The following WWP1 variants were observed in gnomAD, a reference collection of about 807,000 sequenced individuals.
The protein encoded by WWP1 is WW domain containing E3 ubiquitin protein ligase 1.
WWP1 carries 49 observed loss-of-function variants against 130.6 expected under a neutral mutation model. The ratio of observed to expected loss-of-function variants is 0.38; its 90% confidence interval spans 0.30 to 0.48. WWP1 has a LOEUF of 0.48. WWP1 is among the 20% of genes least tolerant of loss of function. WWP1 has a pLI of 0.99. For synonymous variants in WWP1, 332 were observed against 367.8 expected, an observed-to-expected ratio of 0.90 and a Z score of 1.11; for missense variants, 809 against 1,100.6, an observed-to-expected ratio of 0.74 and a Z score of 3.75.
At chr8:86,369,614 T>A (rs1824170103) in intron 2 of WWP1, among the ~76,000 whole-genome samples, 1 of 152,204 alleles carries the variant, frequency 6.6e-6, no homozygotes, top group Non-Finnish European at 1.5e-5. Context: ...CTCAAATAAG[T>A]AATCTATGCC....
intron 5 of WWP1, among the ~76,000 whole-genome samples, chr8:86,382,109 T>C (rs1825017510): frequency 6.6e-6 from 1 of 152,134 alleles, no homozygotes; most frequent in Admixed American, 6.5e-5. Flanking sequence ...GGATAACCAA[T>C]CTTAATAATT....
chr8:86,401,550 A>T (rs1382409204), intron 7 of WWP1, among the ~76,000 whole-genome samples: 6 of 11,714 alleles, frequency 5.1e-4, no homozygotes, highest in Non-Finnish European at 1.2e-3. Flanking sequence ...TCCTGTCTCT[A>T]AAAAAAAAAA....
intron 5 of WWP1, among the ~76,000 whole-genome samples, chr8:86,392,277 C>A (rs553777479): frequency 1.1e-3 from 166 of 152,278 alleles, no homozygotes; most frequent in Non-Finnish European, 2.1e-3. Flanking sequence ...GAATCTTTGT[C>A]ACTATACCCA....
At chr8:86,438,558 A>G (rs1490247430) in intron 16 of WWP1, 27 bp from the exon 17 acceptor site, 1 of 1,535,224 alleles carries the variant, frequency 6.5e-7, no homozygotes, top group African/African-American at 1.4e-5. Context: ...GTGAGTATTT[A>G]ATATTCATGT....
rs567061993 is a variant in WWP1 at position 86,427,526 on chromosome 8, T to C, written c.1158-117T>C. The stretch of plus-strand genomic sequence containing the variant: ...GTAAAATAAATAGTTCATAGTTTTA[T>C]ATGTTTTAGTTATTTTAACATGTCT... On this transcript the variant is annotated intron_variant, in intron 10 of 24. Transcript: ENST00000517970. 1.0e-5 allele frequency: 11 copies of C among 1,053,156 alleles called. 1 individual carries two copies. The South Asian group carries it at 2.2e-4, about 21-fold the overall frequency. The allele number at this position is 1,053,156 out of a possible 1,614,324, so 65.2% of individuals were successfully genotyped here.
At chr8:86,434,912 CTG>C (rs1810205676) in intron 14 of WWP1, among the ~76,000 whole-genome samples, 1 of 152,208 alleles carries the variant, frequency 6.6e-6, no homozygotes, top group African/African-American at 2.4e-5. Context: ...GGCTCTGTCA[CTG>C]TGAGTCAAAC....
chr8:86,349,540 C>A (rs1822795551), intron 1 of WWP1, among the ~76,000 whole-genome samples: 1 of 152,182 alleles, frequency 6.6e-6, no homozygotes, highest in African/African-American at 2.4e-5. Flanking sequence ...GTTTTGGAAG[C>A]TGAAGCTTAG....
intron 22 of WWP1, among the ~76,000 whole-genome samples, chr8:86,460,361 T>G (rs927033422): frequency 6.6e-6 from 1 of 152,212 alleles, no homozygotes; most frequent in African/African-American, 2.4e-5. Context: ...TCATCTAGAC[T>G]TGAGTTCAAA....
chr8:86,411,973 C>A, intron 9 of WWP1, 99 bp downstream of exon 9: 1 of 1,172,390 alleles, frequency 8.5e-7, no homozygotes, highest in Non-Finnish European at 1.2e-6. Context: ...TTGTTCAGAA[C>A]TTTGAAATCT....
intron 8 of WWP1, 104 bp downstream of exon 8, chr8:86,402,307 A>G (rs1423194053): frequency 1.3e-5 from 18 of 1,378,928 alleles, no homozygotes; most frequent in Non-Finnish European, 1.7e-5. Flanking sequence ...TTTTTTTGAG[A>G]CGGAGTCTCG....
intron 4 of WWP1, 61 bp from the exon 5 acceptor site, chr8:86,381,444 A>T: frequency 6.5e-7 from 1 of 1,530,128 alleles, no homozygotes; most frequent in Non-Finnish European, 8.7e-7. Flanking sequence ...AGGAATTGTT[A>T]CTTATTAATA....
chr8:86,395,696 A>G (rs1036615727), intron 5 of WWP1, among the ~76,000 whole-genome samples: 1 of 152,226 alleles, frequency 6.6e-6, no homozygotes, highest in African/African-American at 2.4e-5. Context: ...AAATAAATTT[A>G]AAAAGCAGCT....
At chr8:86,396,104 C>CT (rs535762900) in intron 5 of WWP1, among the ~76,000 whole-genome samples, 8,585 of 144,586 alleles carry the variant, frequency 0.059, 387 homozygotes, top group African/African-American at 0.12. Context: ...TTGTAGTTTT[C>CT]TTTTTTTTTT....
intron 8 of WWP1, among the ~76,000 whole-genome samples, chr8:86,407,006 A>G (rs1808316125): frequency 6.6e-6 from 1 of 152,190 alleles, no homozygotes; most frequent in African/African-American, 2.4e-5. Flanking sequence ...TAACCTCTCA[A>G]AGATTAAACA....
chr8:86,351,338 C>T (rs1399513463), intron 1 of WWP1, among the ~76,000 whole-genome samples: 1 of 152,072 alleles, frequency 6.6e-6, no homozygotes, highest in Admixed American at 6.6e-5. Context: ...AATTTCCACC[C>T]CCAGCTTTTT....
intron 1 of WWP1, among the ~76,000 whole-genome samples, chr8:86,347,657 G>A (rs1450624835): frequency 1.3e-5 from 2 of 152,158 alleles, no homozygotes; most frequent in African/African-American, 4.8e-5. Context: ...TCCTGTCAAG[G>A]ATAAAGCAAA....
At position 86,402,112 on chromosome 8, in the gene WWP1, C is replaced by T. The variant is rs1808020289; in HGVS notation, c.633C>T (p.Asp211=). ...GCTGCTCGTATGTAGTTAATGGAGA[C>T]AACACACCTTCATCTCCGTCTCAGG... ...NSCCSYVVNG[D]NTPSSPSQVA... The change falls in exon 8 of 25, where the codon GAC becomes GAT. Residue 211 remains aspartate (D), a synonymous_variant. Coordinates refer to ENST00000517970, the MANE Select transcript of WWP1 (RefSeq NM_007013.4). 6.2e-7 allele frequency: 1 copy of T among 1,613,912 alleles called. No individual in the cohort carries two copies. Among genetic ancestry groups the T allele is most frequent in the Non-Finnish European group, 8.5e-7 (1 of 1,179,940 alleles).
intron 7 of WWP1, among the ~76,000 whole-genome samples, chr8:86,401,702 G>A (rs1465311305): frequency 1.3e-5 from 2 of 151,938 alleles, no homozygotes; most frequent in Non-Finnish European, 2.9e-5. Context: ...GAATATTATT[G>A]TGGGAGACCG....
chr8:86,372,808 C>T (rs545015955), intron 2 of WWP1, among the ~76,000 whole-genome samples: 1 of 152,066 alleles, frequency 6.6e-6, no homozygotes, highest in African/African-American at 2.4e-5. Flanking sequence ...ATTTATTTAT[C>T]TTAGTGTTTT....
Sources: gnomAD v4.1 joint callset for allele counts (sites outside exome capture counted in the v4.1 genomes callset) on GRCh38, gnomAD v4.1.1 for gene constraint, MANE v1.5 for transcripts, NCBI Gene and HGNC (gene_info 2026-07-23, HGNC 2026-07-21) for gene names.